The following ATP13A4 variants were observed in gnomAD, a reference collection of about 807,000 sequenced individuals.
ATP13A4 encodes ATPase 13A4.
In ATP13A4, 114 loss-of-function variants were observed where a neutral mutation model predicts 142.5. That is an observed-to-expected ratio of 0.80 (90% CI 0.69 to 0.93). The LOEUF is 0.93. Ranked by LOEUF, ATP13A4 falls within the 40% of genes least tolerant of loss-of-function variation. The probability of loss-of-function intolerance (pLI) is 0.00; values close to 1 mark genes in which losing one functional copy is unlikely to be tolerated. For missense variants in ATP13A4, 1,392 were observed against 1,454.0 expected (o/e 0.96, Z 0.69); for synonymous variants, 488 against 514.8 (o/e 0.95, Z 0.70).
chr3:193,433,675 A>G (rs934687332), intron 25 of ATP13A4, among the ~76,000 whole-genome samples, 170 bp downstream of exon 25: 1 of 152,222 alleles, frequency 6.6e-6, no homozygotes, highest in Non-Finnish European at 1.5e-5. Context: ...CTTTCTTGCA[A>G]TACTTAAAAA....
Position 193,441,519 on chromosome 3 carries a change from T to C in ATP13A4, c.2386A>G (p.Thr796Ala). Residue 796 changes from threonine (T) to alanine (A), a missense_variant, in exon 20 of 30, where the codon ACT becomes GCT. Transcript: ENST00000342695. ...GREGSYHFAL[T>A]GKSFHVISQH... Reference sequence around the variant, plus strand: ...CTTATAACATGAAAGGATTTTCCAGTTAGGGCAAAATGGTAACTTCCTTCT... The same window carrying C: ...CTTATAACATGAAAGGATTTTCCAGCTAGGGCAAAATGGTAACTTCCTTCT... The C allele has an allele frequency of 1.2e-6, 2 of 1,613,788 alleles. No individual in the cohort carries two copies. Among genetic ancestry groups the C allele is most frequent in the Non-Finnish European group, 1.7e-6 (2 of 1,179,724 alleles).
intron 3 of ATP13A4, among the ~76,000 whole-genome samples, chr3:193,493,419 T>A (rs1720051735): frequency 1.3e-5 from 2 of 152,278 alleles, no homozygotes; most frequent in South Asian, 4.1e-4. Flanking sequence ...AGTCTCTGCA[T>A]TCTACTACTT....
chr3:193,440,759 C>T (rs1401606308), intron 20 of ATP13A4, 122 bp from the exon 21 acceptor site: 1 of 1,028,482 alleles, frequency 9.7e-7, no homozygotes, highest in Non-Finnish European at 1.5e-6. Flanking sequence ...AAAAAGTTTC[C>T]AATGAGCCTT....
intron 28 of ATP13A4, among the ~76,000 whole-genome samples, chr3:193,409,844 G>A (rs992130376): frequency 4.6e-5 from 7 of 152,112 alleles, no homozygotes; most frequent in South Asian, 2.1e-4. Context: ...AGTCTGATAC[G>A]CAATGATCAG....
chr3:193,491,070 G>T (rs150253864), intron 6 of ATP13A4, among the ~76,000 whole-genome samples: 1 of 152,138 alleles, frequency 6.6e-6, no homozygotes, highest in East Asian at 1.9e-4. Context: ...AAAAAGAAAA[G>T]AAACATTATA....
intron 17 of ATP13A4, among the ~76,000 whole-genome samples, chr3:193,450,165 T>TATATAAGTGA (rs1329668376): frequency 2.7e-4 from 41 of 151,870 alleles, no homozygotes; most frequent in Admixed American, 9.2e-4. Flanking sequence ...TCCCTTGTCA[T>TATATAAGTGA]ATTACTTATA....
chr3:193,480,299 C>G (rs1375664068), intron 8 of ATP13A4, among the ~76,000 whole-genome samples: 2 of 152,082 alleles, frequency 1.3e-5, no homozygotes, highest in Admixed American at 6.6e-5. Flanking sequence ...AACTGAAAAG[C>G]TTCTGCACAG....
intron 2 of ATP13A4, among the ~76,000 whole-genome samples, chr3:193,573,324 T>A (rs1241842186): frequency 7.1e-6 from 1 of 140,376 alleles, no homozygotes; most frequent in South Asian, 2.2e-4. Flanking sequence ...TATATATATA[T>A]ATAATTTGTA....
intron 9 of ATP13A4, among the ~76,000 whole-genome samples, chr3:193,469,968 C>T (rs1332369095): frequency 6.6e-6 from 1 of 152,162 alleles, no homozygotes; most frequent in Non-Finnish European, 1.5e-5. Flanking sequence ...TTGCCATGGT[C>T]TGCGACACAT....
At chr3:193,441,129 G>A (rs1716615161) in intron 20 of ATP13A4, among the ~76,000 whole-genome samples, 1 of 151,980 alleles carries the variant, frequency 6.6e-6, no homozygotes, top group Admixed American at 6.6e-5. Flanking sequence ...TTCTTGGTCT[G>A]CTTTCCTGTG....
At chr3:193,439,965 C>T (rs1241409924) in intron 21 of ATP13A4, 2 of 154,152 alleles carry the variant, frequency 1.3e-5, no homozygotes, top group East Asian at 3.8e-4. Flanking sequence ...GCCTCTGGTA[C>T]TCTGTGGGGT....
Position 193,420,466 on chromosome 3 carries a change from G to A in ATP13A4, c.2843-5716C>T, listed in dbSNP as rs1256629185. The stretch of plus-strand genomic sequence containing the variant: ...AAACAAAAAGGAAATACGAAAGAGC[G>A]AGACAATATGATATCAACAAAGAAA... On this transcript the variant is annotated intron_variant, in intron 25 of 29. Coordinates refer to ENST00000342695, the MANE Select transcript of ATP13A4 (RefSeq NM_032279.4). Among the ~76,000 whole-genome samples, 10 of 149,822 alleles carry A rather than the reference G, an allele frequency of 6.7e-5. 1 individual carries two copies. The East Asian group carries it at 1.7e-3, about 25-fold the overall frequency.
Position 193,407,359 on chromosome 3 carries a change from A to G in ATP13A4, c.3332T>C (p.Ile1111Thr), listed in dbSNP as rs1169472767. 6.2e-6 allele frequency: 10 copies of G among 1,613,564 alleles called. No homozygotes were observed. Among genetic ancestry groups the G allele is most frequent in the African/African-American group, 2.7e-5 (2 of 75,014 alleles). Residue 1111 changes from isoleucine (I) to threonine (T), a missense_variant, in exon 29 of 30, where the codon ATT (isoleucine) becomes ACT (threonine). Coordinates refer to ENST00000342695, the MANE Select transcript of ATP13A4 (RefSeq NM_032279.4). ...GAAATTCAAGCTGAGCATGATGACA[A>G]TGGAGGCCCTCCACAGGACGGGAGT... The part of the protein sequence containing the change: ...LCTPVLWRAS[I>T]VIMLSLNFIV...
chr3:193,590,651 A>G (rs1488379025), intron 1 of ATP13A4, among the ~76,000 whole-genome samples: 6 of 152,244 alleles, frequency 3.9e-5, no homozygotes, highest in African/African-American at 1.4e-4. Context: ...ACTATAAACT[A>G]CATTCCTCCC....
rs569482876 is a variant in ATP13A4 at position 193,550,641 on chromosome 3, T to C, written c.60+4099A>G. On this transcript the variant is annotated intron_variant, in intron 1 of 29. Coordinates refer to ENST00000342695, the MANE Select transcript of ATP13A4 (RefSeq NM_032279.4). ...ATTGACATGTCTGGTGGTAAACTCA[T>C]GAAGCATATTTACTTCATTCTTTAG... 1.1e-4 allele frequency among the ~76,000 whole-genome samples: 17 copies of C among 152,348 alleles called. No homozygotes were observed. The South Asian group carries it at 3.5e-3, about 32-fold the overall frequency.
Position 193,486,106 on chromosome 3 carries a change from A to G in ATP13A4, c.739-2101T>C, listed in dbSNP as rs541080128. Among the ~76,000 whole-genome samples the G allele has an allele frequency of 2.1e-4, 32 of 150,720 alleles. No homozygotes were observed. In the South Asian group the frequency reaches 6.7e-3, roughly 31 times the overall value. On this transcript the variant is annotated intron_variant, in intron 7 of 29. Transcript: ENST00000342695. ...TTTTAAATTAATTAATAAATATTTT[A>G]TGATTCTGAGTTTTAATTCTTAATT...
chr3:193,406,872 A>G (rs1050569605), intron 29 of ATP13A4, among the ~76,000 whole-genome samples: 4 of 152,202 alleles, frequency 2.6e-5, no homozygotes, highest in African/African-American at 9.6e-5. Context: ...ATGAAGAGCA[A>G]CGGCTAGTAG....
At position 193,418,039 on chromosome 3, in the gene ATP13A4, G is replaced by A. The variant is rs1489693107; in HGVS notation, c.2843-3289C>T. ...TGGGAGGCTGAGGCAGGAGAATGGC[G>A]TGAACCCGGGAGGCAGAGCTTGCAG... On this transcript the variant is annotated intron_variant, in intron 25 of 29. Transcript: ENST00000342695. Among the ~76,000 whole-genome samples, 12 of 138,322 alleles carry A rather than the reference G, an allele frequency of 8.7e-5. 1 individual carries two copies. The South Asian group carries it at 9.6e-4, about 11-fold the overall frequency. 90.7% of individuals were successfully genotyped at this position (138,322 alleles called of 152,430 possible). A position where few individuals can be genotyped will look rare whatever the true frequency, so the allele number is the denominator to read the frequency against.
intron 25 of ATP13A4, among the ~76,000 whole-genome samples, chr3:193,429,971 C>T (rs4687434): frequency 0.74 from 111,778 of 151,868 alleles, 41,398 homozygotes; most frequent in Admixed American, 0.77. Flanking sequence ...TTTCCATCTT[C>T]CACAGTGAAT....
Sources: allele counts gnomAD v4.1 joint callset (sites outside exome capture counted in the v4.1 genomes callset), GRCh38; gene constraint gnomAD v4.1.1; transcripts MANE v1.5; gene names NCBI Gene and HGNC (gene_info 2026-07-23, HGNC 2026-07-21).